NCALD: variants seen among roughly 807,000 people sequenced by gnomAD.
The protein encoded by NCALD is neurocalcin-delta.
Under a neutral mutation model 18.6 loss-of-function variants are expected in NCALD, and 10 were observed. The ratio of observed to expected loss-of-function variants is 0.54; its 90% confidence interval spans 0.33 to 0.91. The LOEUF is 0.91. NCALD is among the 40% of genes least tolerant of loss of function. The pLI is 0.03. For synonymous variants in NCALD, 88 were observed against 87.4 expected (o/e 1.01, Z -0.04); for missense variants, 184 against 247.6 (o/e 0.74, Z 1.72).
At chr8:101,782,152 GT>G (rs1292987251) in intron 1 of NCALD, among the ~76,000 whole-genome samples, 1 of 149,920 alleles carries the variant, frequency 6.7e-6, no homozygotes, top group African/African-American at 2.4e-5. Context: ...TTATAGTATA[GT>G]TTTATAGAAA....
At chr8:101,933,067 T>C (rs1818635763) in intron 2 of NCALD, among the ~76,000 whole-genome samples, 1 of 152,228 alleles carries the variant, frequency 6.6e-6, no homozygotes, top group Non-Finnish European at 1.5e-5. Flanking sequence ...GATCTCCTTT[T>C]GCTAAAAGTA....
At chr8:102,014,658 T>C (rs556194508) in intron 2 of NCALD, among the ~76,000 whole-genome samples, 1 of 152,384 alleles carries the variant, frequency 6.6e-6, no homozygotes, top group Admixed American at 6.5e-5. Context: ...ATAATTTAAC[T>C]AGAAAATGCA....
At chr8:101,838,024 T>C (rs1228447599) in intron 4 of NCALD, among the ~76,000 whole-genome samples, 1 of 152,208 alleles carries the variant, frequency 6.6e-6, no homozygotes, top group East Asian at 1.9e-4. Context: ...CAGCAAATTG[T>C]ACTTGTTGAA....
chr8:101,806,528 C>A (rs1450730688), intron 4 of NCALD, among the ~76,000 whole-genome samples: 1 of 151,908 alleles, frequency 6.6e-6, no homozygotes, highest in African/African-American at 2.4e-5. Context: ...TATTAAAAAA[C>A]CAACTGGAAA....
intron 3 of NCALD, among the ~76,000 whole-genome samples, chr8:101,901,151 C>G (rs780437104): frequency 7.9e-5 from 12 of 151,890 alleles, no homozygotes; most frequent in Non-Finnish European, 1.5e-4. Context: ...CTTTAACATT[C>G]ATATAGCTAT....
chr8:102,072,089 G>A (rs749970807), intron 1 of NCALD, among the ~76,000 whole-genome samples: 1 of 152,166 alleles, frequency 6.6e-6, no homozygotes, highest in Non-Finnish European at 1.5e-5. Flanking sequence ...TAAAACTATA[G>A]TTGTTAAGAC....
chr8:101,875,525 A>C (rs1008860403), intron 4 of NCALD, among the ~76,000 whole-genome samples: 2 of 152,064 alleles, frequency 1.3e-5, no homozygotes, highest in Non-Finnish European at 2.9e-5. Flanking sequence ...TTTTTGCTAG[A>C]TTTCCATGAC....
Position 101,702,718 on chromosome 8 carries a change from G to A in NCALD, c.379-9822C>T, listed in dbSNP as rs73288963. Reference sequence around the variant, plus strand: ...TGTTCTGTGGTGCGCAACGGCAGAAGAGCAAGAGGCTGCTCCGCAGAAGTG... The same window carrying A: ...TGTTCTGTGGTGCGCAACGGCAGAAAAGCAAGAGGCTGCTCCGCAGAAGTG... On this transcript the variant is annotated intron_variant, in intron 2 of 3. Transcript: ENST00000220931. Among the ~76,000 whole-genome samples the A allele has an allele frequency of 6.7e-3, 1,022 of 152,360 alleles. 15 individuals carry two copies. The highest frequency in any genetic ancestry group is 0.023 in the African/African-American group (960 of 41,594).
At chr8:101,739,308 CCTT>C (rs1362668658) in intron 1 of NCALD, among the ~76,000 whole-genome samples, 2 of 152,136 alleles carry the variant, frequency 1.3e-5, no homozygotes, top group African/African-American at 2.4e-5. Context: ...ACCTGATCCT[CCTT>C]CTCTACATTT....
rs117825664 is a variant in NCALD, at chr8:101,730,022, A to C, written c.-19-10374T>G. 3.6e-3 allele frequency among the ~76,000 whole-genome samples: 546 copies of C among 152,316 alleles called. 5 individuals carry two copies. The East Asian group carries it at 0.05, about 14-fold the overall frequency. The stretch of plus-strand genomic sequence containing the variant: ...AGTAATAAAGGGATGTAAAAATGAG[A>C]AAGTGAATATCTTCATTCCGATCCG... On this transcript the variant is annotated intron_variant, in intron 1 of 3. Transcript: ENST00000220931.
intron 4 of NCALD, among the ~76,000 whole-genome samples, chr8:101,797,555 A>T (rs534988951): frequency 1.3e-5 from 2 of 152,334 alleles, no homozygotes; most frequent in South Asian, 4.1e-4. Flanking sequence ...GTGGTGGCTC[A>T]TGCCTGTAAT....
intron 2 of NCALD, among the ~76,000 whole-genome samples, chr8:102,010,886 T>C (rs2132064599): frequency 6.6e-6 from 1 of 152,330 alleles, no homozygotes; most frequent in Middle Eastern, 3.4e-3. Flanking sequence ...CACTAACCAA[T>C]GAGCAACTCA....
chr8:101,821,577 C>T (rs1392479855), intron 4 of NCALD, among the ~76,000 whole-genome samples: 7 of 152,076 alleles, frequency 4.6e-5, no homozygotes, highest in African/African-American at 1.7e-4. Context: ...ATTTGTTGAG[C>T]CTCTCTAGAT....
chr8:101,855,110 A>G (rs1308286209), intron 4 of NCALD, among the ~76,000 whole-genome samples: 1 of 152,186 alleles, frequency 6.6e-6, no homozygotes, highest in Non-Finnish European at 1.5e-5. Flanking sequence ...GGAAACAAGC[A>G]TGAAGAATGA....
At chr8:101,751,715 T>C (rs947028370) in intron 1 of NCALD, among the ~76,000 whole-genome samples, 4 of 152,148 alleles carry the variant, frequency 2.6e-5, no homozygotes, top group Admixed American at 6.5e-5. Flanking sequence ...TCACAAGACC[T>C]GGCAAAGAGC....
At position 101,829,287 on chromosome 8, in the gene NCALD, C is replaced by T. The variant is rs1052722876; in HGVS notation, c.-20+57854G>A. 1.4e-4 allele frequency among the ~76,000 whole-genome samples: 22 copies of T among 152,162 alleles called. No individual in the cohort carries two copies. The South Asian group carries it at 4.6e-3, about 32-fold the overall frequency. On this transcript the variant is annotated intron_variant, in intron 4 of 6. Coordinates refer to the NCALD transcript ENST00000311028. ...ATAACTCATCTTAAATTCAACAATC[C>T]CTTTAATATTTTGATAGAAAATAAC...
At chr8:102,028,093 G>A (rs975424047) in intron 1 of NCALD, among the ~76,000 whole-genome samples, 12 of 152,212 alleles carry the variant, frequency 7.9e-5, no homozygotes, top group Non-Finnish European at 1.5e-5. Flanking sequence ...TATCTTAGGT[G>A]TAATAATGAT....
At chr8:101,835,875 T>C (rs1451848933) in intron 4 of NCALD, among the ~76,000 whole-genome samples, 1 of 152,134 alleles carries the variant, frequency 6.6e-6, no homozygotes, top group Non-Finnish European at 1.5e-5. Flanking sequence ...AAGATGGAGC[T>C]AGATCACCTA....
intron 1 of NCALD, among the ~76,000 whole-genome samples, chr8:101,764,438 T>C (rs1811258774): frequency 6.6e-6 from 1 of 152,188 alleles, no homozygotes; most frequent in Non-Finnish European, 1.5e-5. Context: ...ATTGCATTTT[T>C]AGCAATATAG....
Sources: allele counts gnomAD v4.1 joint callset (sites outside exome capture counted in the v4.1 genomes callset), GRCh38; gene constraint gnomAD v4.1.1; transcripts MANE v1.5; gene names NCBI Gene and HGNC (gene_info 2026-07-23, HGNC 2026-07-21).